Variants in LRRTM4 observed in about 807,000 individuals in gnomAD.
LRRTM4 encodes the protein leucine-rich repeat transmembrane neuronal protein 4.
Under a neutral mutation model 47.6 loss-of-function variants are expected in LRRTM4, and 25 were observed. That is an observed-to-expected ratio of 0.53 (90% confidence interval 0.38 to 0.73). The LOEUF (loss-of-function observed/expected upper bound fraction) is 0.73, where lower values mean the gene tolerates loss of function less well. Ranked by LOEUF, LRRTM4 falls within the 30% of genes least tolerant of loss-of-function variation. LRRTM4 has a pLI of 0.00. For synonymous variants in LRRTM4, 311 were observed against 269.5 expected, an observed-to-expected ratio of 1.15 and a Z score of -1.51; for missense variants, 638 against 713.4, an observed-to-expected ratio of 0.89 and a Z score of 1.20.
At chr2:77,029,003 A>C (rs1396613030) in intron 3 of LRRTM4, among the ~76,000 whole-genome samples, 1 of 149,524 alleles carries the variant, frequency 6.7e-6, no homozygotes, top group East Asian at 2.0e-4. Flanking sequence ...CCACTGCACT[A>C]TAGCCTGGGT....
intron 3 of LRRTM4, among the ~76,000 whole-genome samples, chr2:77,308,044 A>G (rs1364491653): frequency 7.0e-6 from 1 of 142,278 alleles, no homozygotes; most frequent in South Asian, 2.2e-4. Context: ...ATATATCTAT[A>G]TAACATTATA....
In LRRTM4 at chr2:77,372,131, A is replaced by G. The variant is rs971720645; in HGVS notation, c.1551+146187T>C. The stretch of plus-strand genomic sequence containing the variant: ...AAAATATGACAATAGGCTGCTGGCA[A>G]ACTTGTCTAACTTTGTGCAGGAGGA... On this transcript the variant is annotated intron_variant, in intron 3 of 3. Coordinates refer to ENST00000409884, the MANE Select transcript of LRRTM4 (RefSeq NM_001134745.3). Among the ~76,000 whole-genome samples, 5 of 151,784 alleles carry G rather than the reference A, an allele frequency of 3.3e-5. No individual in the cohort carries two copies. In the South Asian group the frequency reaches 1.0e-3, roughly 31 times the overall value.
chr2:76,994,937 A>G (rs1677146469), intron 3 of LRRTM4, among the ~76,000 whole-genome samples: 1 of 151,972 alleles, frequency 6.6e-6, no homozygotes, highest in South Asian at 2.1e-4. Context: ...TAACTAGGAA[A>G]ATGAAATCTT....
At chr2:77,014,209 G>A (rs1677974737) in intron 3 of LRRTM4, among the ~76,000 whole-genome samples, 1 of 152,106 alleles carries the variant, frequency 6.6e-6, no homozygotes. Context: ...GGCTGAGAAG[G>A]CCAAATTCAA....
Position 76,981,679 on chromosome 2 carries a change from G to T in LRRTM4, c.1552-232763C>A, listed in dbSNP as rs139979028. On this transcript the variant is annotated intron_variant, in intron 3 of 3. Coordinates refer to ENST00000409884, the MANE Select transcript of LRRTM4 (RefSeq NM_001134745.3). ...AGCTAGTTTCTAAATTTTTTGCAGA[G>T]AAGGAGTCTCGTTATTTTGCCAGGG... Among the ~76,000 whole-genome samples the T allele has an allele frequency of 3.8e-3, 578 of 152,006 alleles. 1 individual carries two copies. Among genetic ancestry groups the T allele is most frequent in the African/African-American group, 0.013 (554 of 41,492 alleles).
chr2:77,162,816 C>G, intron 3 of LRRTM4, among the ~76,000 whole-genome samples: 1 of 152,148 alleles, frequency 6.6e-6, no homozygotes, highest in East Asian at 1.9e-4. Context: ...AAAACCCCAT[C>G]TGTATGTCAC....
In LRRTM4 at chr2:76,933,586, T is replaced by C. The variant is rs140192641; in HGVS notation, c.1552-184670A>G. ...AAAAATTGCATTTTATAATTAATTATTGCATTTAGATTATCATGTTTTGAA... is the reference window on the plus strand; with the variant it reads ...AAAAATTGCATTTTATAATTAATTACTGCATTTAGATTATCATGTTTTGAA... On this transcript the variant is annotated intron_variant, in intron 3 of 3. Transcript: ENST00000409884. Among the ~76,000 whole-genome samples the C allele has an allele frequency of 2.4e-3, 358 of 152,220 alleles. 2 individuals carry two copies. Among genetic ancestry groups the C allele is most frequent in the African/African-American group, 8.4e-3 (348 of 41,542 alleles).
At chr2:77,069,085 GTTAA>G (rs1447849973) in intron 3 of LRRTM4, among the ~76,000 whole-genome samples, 2 of 152,150 alleles carry the variant, frequency 1.3e-5, no homozygotes, top group Non-Finnish European at 2.9e-5. Flanking sequence ...CTGGCTTGCT[GTTAA>G]TAAATACATG....
Position 77,518,818 on chromosome 2 carries a change from T to C in LRRTM4, c.1051A>G (p.Ser351Gly). The change falls in exon 3 of 4, where the codon AGT becomes GGT. Residue 351 changes from serine to glycine, a missense_variant. Coordinates refer to ENST00000409884, the MANE Select transcript of LRRTM4 (RefSeq NM_001134745.3). ...GPKHIQGEKV[S>G]DAVETYNICS... ...ATATTATATGTTTCCACTGCATCAC[T>C]AACCTTTTCACCCTGGATGTGCTTA... 1 of 1,611,376 alleles carries C rather than the reference T, an allele frequency of 6.2e-7. No homozygotes were observed. The highest frequency in any genetic ancestry group is 8.5e-7 in the Non-Finnish European group (1 of 1,178,586).
chr2:77,083,925 C>T (rs1285175377), intron 3 of LRRTM4, among the ~76,000 whole-genome samples: 1 of 150,598 alleles, frequency 6.6e-6, no homozygotes, highest in Non-Finnish European at 1.5e-5. Context: ...CTGCCTCAGC[C>T]TCCCGAGTAG....
At chr2:76,794,338 G>A (rs1031906051) in intron 3 of LRRTM4, among the ~76,000 whole-genome samples, 1 of 152,138 alleles carries the variant, frequency 6.6e-6, no homozygotes, top group African/African-American at 2.4e-5. Context: ...TGTCAGAGAG[G>A]AAAGAAAGTG....
chr2:77,018,293 C>G (rs1282343989), intron 3 of LRRTM4, among the ~76,000 whole-genome samples: 3 of 35,528 alleles, frequency 8.4e-5, no homozygotes, highest in African/African-American at 2.5e-4. Flanking sequence ...TGTTCTTTAT[C>G]TGACTGTGAG....
intron 3 of LRRTM4, among the ~76,000 whole-genome samples, chr2:77,029,063 A>ATATG (rs1678556846): frequency 6.8e-6 from 1 of 146,052 alleles, no homozygotes; most frequent in Admixed American, 6.9e-5. Flanking sequence ...ATATATATAT[A>ATATG]TATATATAAT....
intron 3 of LRRTM4, among the ~76,000 whole-genome samples, chr2:77,403,148 T>C (rs530916403): frequency 4.0e-4 from 61 of 152,140 alleles, no homozygotes; most frequent in African/African-American, 1.4e-3. Context: ...CCAGTTAACA[T>C]CAGGTAAAAT....
At chr2:77,189,671 C>G (rs1344480042) in intron 3 of LRRTM4, among the ~76,000 whole-genome samples, 2 of 152,048 alleles carry the variant, frequency 1.3e-5, no homozygotes, top group Admixed American at 6.6e-5. Flanking sequence ...ACTGTGAGAG[C>G]TAAATGTGTG....
chr2:76,885,615 G>C lies in LRRTM4; in HGVS notation c.1552-136699C>G, dbSNP rs931166849. On this transcript the variant is annotated intron_variant, in intron 3 of 3. Coordinates refer to ENST00000409884, the MANE Select transcript of LRRTM4 (RefSeq NM_001134745.3). ...GTAGCTGGGACCGCAAGCGCCCACC[G>C]CCACCACGTCCGGCTAATTGTTTGT... Among the ~76,000 whole-genome samples the C allele has an allele frequency of 5.3e-5, 8 of 151,960 alleles. No individual in the cohort carries two copies. The South Asian group carries it at 1.7e-3, about 32-fold the overall frequency.
intron 3 of LRRTM4, among the ~76,000 whole-genome samples, chr2:77,504,091 C>A (rs1678673810): frequency 1.3e-5 from 2 of 151,650 alleles, no homozygotes; most frequent in East Asian, 3.9e-4. Context: ...TAAGAAAATT[C>A]TCTCTGTCTC....
chr2:76,918,131 G>A (rs1158531404), intron 3 of LRRTM4, among the ~76,000 whole-genome samples: 1 of 152,088 alleles, frequency 6.6e-6, no homozygotes. Flanking sequence ...TGACAATTAT[G>A]TTAACAAAAT....
intron 3 of LRRTM4, among the ~76,000 whole-genome samples, chr2:77,469,801 T>A (rs1677117018): frequency 6.6e-6 from 1 of 152,074 alleles, no homozygotes; most frequent in African/African-American, 2.4e-5. Context: ...TTTATACATA[T>A]TCAAGGGAAA....
Sources: allele counts gnomAD v4.1 joint callset (sites outside exome capture counted in the v4.1 genomes callset), GRCh38; gene constraint gnomAD v4.1.1; transcripts MANE v1.5; gene names NCBI Gene and HGNC (gene_info 2026-07-23, HGNC 2026-07-21).